The following DENND5B variants were observed in gnomAD, a reference collection of about 807,000 sequenced individuals.
DENND5B encodes the protein DENN domain containing 5B.
In DENND5B, 34 loss-of-function variants were observed where a neutral mutation model predicts 140.6. The ratio of observed to expected loss-of-function variants is 0.24; its 90% CI spans 0.18 to 0.32. DENND5B has a LOEUF of 0.32. DENND5B is among the 10% of genes least tolerant of loss of function. The pLI is 1.00. For synonymous variants in DENND5B, 551 were observed against 562.1 expected, an observed-to-expected ratio of 0.98 and a Z score of 0.28; for missense variants, 1,142 against 1,560.2, an observed-to-expected ratio of 0.73 and a Z score of 4.52.
At chr12:31,524,460 C>A (rs141156593) in intron 1 of DENND5B, among the ~76,000 whole-genome samples, 3,122 of 152,188 alleles carry the variant, frequency 0.021, 56 homozygotes, top group South Asian at 0.052. Flanking sequence ...CCAGACCAGC[C>A]TGGCCAACAT....
At chr12:31,553,618 T>C (rs1181293502) in intron 1 of DENND5B, among the ~76,000 whole-genome samples, 1 of 151,966 alleles carries the variant, frequency 6.6e-6, no homozygotes, top group Non-Finnish European at 1.5e-5. Context: ...TGGGTATCCT[T>C]GTTAACTTTC....
intron 9 of DENND5B, 109 bp from the exon 10 acceptor site, chr12:31,424,796 C>T (rs1425940335): frequency 7.1e-7 from 1 of 1,405,814 alleles, no homozygotes; most frequent in Non-Finnish European, 9.6e-7. Context: ...CTTCTATTTG[C>T]AGATTTGTAA....
chr12:31,424,569 T>C lies in DENND5B; in HGVS notation c.2357A>G (p.Glu786Gly). The C allele has an allele frequency of 6.2e-7, 1 of 1,613,832 alleles. No homozygotes were observed. The highest frequency in any genetic ancestry group is 8.5e-7 in the Non-Finnish European group (1 of 1,179,854). Residue 786 changes from glutamate to glycine, a missense_variant, in exon 10 of 21, where the codon GAG (glutamate) becomes GGG (glycine). Transcript: ENST00000389082. Reference sequence around the variant, plus strand: ...CTGCAAGCCATGGCTCCATATCCTCTCCAGCAGGTCACAAAGGCTGGCGAT... The same window carrying C: ...CTGCAAGCCATGGCTCCATATCCTCCCCAGCAGGTCACAAAGGCTGGCGAT... ...TLIASLCDLL[E>G]RIWSHGLQVK... is the part of the protein sequence containing the mutation.
At chr12:31,525,333 T>TA (rs1948049226) in intron 1 of DENND5B, among the ~76,000 whole-genome samples, 1 of 152,180 alleles carries the variant, frequency 6.6e-6, no homozygotes, top group Non-Finnish European at 1.5e-5. Context: ...TATACTTCTA[T>TA]AAAATAGAAT....
rs146143290 is a variant in DENND5B at position 31,429,432 on chromosome 12, G to A, written c.2107-3008C>T. On this transcript the variant is annotated intron_variant, in intron 8 of 20. Coordinates refer to ENST00000389082, the MANE Select transcript of DENND5B (RefSeq NM_144973.4). ...TTATTATTATTTTTTTTCTTGAGAC[G>A]AAGTCTCGTTCTGTCACCCAGGCTG... Among the ~76,000 whole-genome samples the A allele has an allele frequency of 9.5e-3, 1,452 of 152,174 alleles. 26 individuals are homozygous for A. The highest frequency in any genetic ancestry group is 0.033 in the African/African-American group (1,373 of 41,508).
chr12:31,439,929 CAAAAAAAAAAAAA>C (rs67272470), intron 7 of DENND5B, among the ~76,000 whole-genome samples: 5 of 52,298 alleles, frequency 9.6e-5, no homozygotes, highest in African/African-American at 1.7e-4. Flanking sequence ...GACTCCGTCT[CAAAAAAAAAAAAA>C]AAAAAAAAAA....
At chr12:31,449,731 G>GTTTTTGATTTTTT (rs1555149743) in intron 5 of DENND5B, among the ~76,000 whole-genome samples, 1 of 89,970 alleles carries the variant, frequency 1.1e-5, no homozygotes, top group Non-Finnish European at 2.1e-5. Flanking sequence ...ACACAGATTA[G>GTTTTTGATTTTTT]TTTTTTTTTT....
At chr12:31,421,610 C>T (rs35029695) in intron 11 of DENND5B, among the ~76,000 whole-genome samples, 20,092 of 151,932 alleles carry the variant, frequency 0.13, 1,597 homozygotes, top group Non-Finnish European at 0.18. Flanking sequence ...CATGCAGTGG[C>T]GCAATCTTGG....
intron 1 of DENND5B, among the ~76,000 whole-genome samples, chr12:31,552,978 G>A (rs971946172): frequency 9.9e-5 from 15 of 152,024 alleles, no homozygotes; most frequent in African/African-American, 2.4e-4. Context: ...TCTTGCTAGC[G>A]GTCTGTCAAT....
rs755517254 is a variant in DENND5B, at chr12:31,479,585, C to T, written c.904+4G>A. 47 of 1,477,476 alleles carry T rather than the reference C, an allele frequency of 3.2e-5. No individual in the cohort carries two copies. Among genetic ancestry groups the T allele is most frequent in the Admixed American group, 2.9e-4 (11 of 38,244 alleles). The allele number at this position is 1,477,476 out of a possible 1,614,324, so 91.5% of individuals were successfully genotyped here. ...GGAAAATGTAAAATCCAAGGAAAAC[C>T]TACCTTGTGAGTAGAGAAGGATTTG... On this transcript the variant is annotated splice_donor_region_variant and intron_variant, in intron 3 of 20. Coordinates refer to ENST00000389082, the MANE Select transcript of DENND5B (RefSeq NM_144973.4).
intron 1 of DENND5B, among the ~76,000 whole-genome samples, chr12:31,580,535 A>G (rs1950179989): frequency 6.6e-6 from 1 of 151,832 alleles, no homozygotes; most frequent in Admixed American, 6.6e-5. Flanking sequence ...CACTCTGTTA[A>G]CCAGGCTGGA....
intron 1 of DENND5B, among the ~76,000 whole-genome samples, chr12:31,527,295 A>C (rs1255955314): frequency 1.3e-5 from 2 of 152,172 alleles, no homozygotes; most frequent in Non-Finnish European, 2.9e-5. Flanking sequence ...GAACAGCTAA[A>C]GCAAAGATCA....
chr12:31,572,539 C>A (rs1949863136), intron 1 of DENND5B, among the ~76,000 whole-genome samples: 3 of 135,428 alleles, frequency 2.2e-5, no homozygotes, highest in Admixed American at 7.3e-5. Flanking sequence ...TACTCTTTCT[C>A]AAAAAAAAAA....
chr12:31,499,664 G>C, intron 1 of DENND5B: 1 of 1,490,206 alleles, frequency 6.7e-7, no homozygotes, highest in Non-Finnish European at 8.9e-7. Flanking sequence ...CTAGCCATTG[G>C]TACAAAACTA....
At chr12:31,507,183 T>A (rs1423670241) in intron 1 of DENND5B, among the ~76,000 whole-genome samples, 1 of 142,400 alleles carries the variant, frequency 7.0e-6, no homozygotes, top group Non-Finnish European at 1.5e-5. Flanking sequence ...GACAAATTCC[T>A]TTTTTTTTTT....
At chr12:31,590,367 C>T (rs1269139) in intron 1 of DENND5B, 35,016 of 168,420 alleles carry the variant, frequency 0.21, 4,039 homozygotes, top group African/African-American at 0.29. Context: ...GGGGGCAGCC[C>T]GCGCGCCCGG....
At chr12:31,493,785 T>C (rs1946625007) in intron 2 of DENND5B, among the ~76,000 whole-genome samples, 1 of 152,144 alleles carries the variant, frequency 6.6e-6, no homozygotes, top group Non-Finnish European at 1.5e-5. Context: ...GAGCCAAGAT[T>C]GTGCCACTGC....
chr12:31,522,135 C>T (rs1947916730), intron 1 of DENND5B, among the ~76,000 whole-genome samples: 1 of 152,202 alleles, frequency 6.6e-6, no homozygotes, highest in Non-Finnish European at 1.5e-5. Flanking sequence ...ACTTAGCAAA[C>T]ATCTGCTCAT....
At chr12:31,432,270 A>C in intron 8 of DENND5B, 3 of 220,844 alleles carry the variant, frequency 1.4e-5, no homozygotes, top group Non-Finnish European at 2.3e-5. Flanking sequence ...AGGGAAGGGA[A>C]GAAAATACAG....
Sources: allele counts gnomAD v4.1 joint callset (sites outside exome capture counted in the v4.1 genomes callset), GRCh38; gene constraint gnomAD v4.1.1; transcripts MANE v1.5; gene names NCBI Gene and HGNC (gene_info 2026-07-23, HGNC 2026-07-21).